The following WDPCP variants were observed in gnomAD, a reference collection of about 807,000 sequenced individuals.
The protein encoded by WDPCP is WD repeat containing planar cell polarity effector, also known as WD repeat-containing and planar cell polarity effector protein fritz homolog.
WDPCP carries 71 observed loss-of-function variants against 93.1 expected under a neutral mutation model. The observed-to-expected ratio is 0.76, with a 90% CI of 0.63 to 0.93. The LOEUF (loss-of-function observed/expected upper bound fraction) is 0.93, where lower values mean the gene tolerates loss of function less well. Among genes scored for constraint, WDPCP ranks in the 40% least tolerant of loss-of-function variants. The probability of loss-of-function intolerance (pLI) is 0.00; values close to 1 mark genes in which losing one functional copy is unlikely to be tolerated. For synonymous variants in WDPCP, 315 were observed against 315.0 expected (o/e 1.00, Z 0.00); for missense variants, 844 against 887.4 (o/e 0.95, Z 0.62).
chr2:63,120,399 G>T lies in WDPCP; in HGVS notation c.*1607C>A, dbSNP rs147842774. On this transcript the variant is annotated 3_prime_UTR_variant, in exon 18 of 18. Coordinates refer to ENST00000272321, the MANE Select transcript of WDPCP (RefSeq NM_015910.7). The stretch of plus-strand genomic sequence containing the variant: ...TGGTAGAGGTACAGATAAATGGGAA[G>T]TAGAAAGAAAAATTTGAAGTATAAA... Among the ~76,000 whole-genome samples, 756 of 152,014 alleles carry T rather than the reference G, an allele frequency of 5.0e-3. 9 individuals are homozygous for T. The highest frequency in any genetic ancestry group is 0.017 in the African/African-American group (695 of 41,494).
chr2:63,492,876 T>G lies in WDPCP; in HGVS notation c.140A>C (p.Lys47Thr). Residue 47 changes from lysine to threonine, a missense_variant, in exon 2 of 18, where the codon AAG becomes ACG. Physicochemically the swap from Lys to Thr is moderately conservative, Grantham distance 78 (BLOSUM62 -1). Transcript: ENST00000272321. ...CLTELHLWSL[K>T]NTLHIADRDI... ...TTTACCCGCAATGTGTAAGGTATTC[T>G]TCAAAGACCACAGGTGCAGTTCAGT... 6.2e-7 allele frequency: 1 copy of G among 1,613,690 alleles called. No homozygotes were observed.
intron 13 of WDPCP, among the ~76,000 whole-genome samples, chr2:63,308,824 G>T (rs1410273432): frequency 6.6e-6 from 1 of 152,092 alleles, no homozygotes; most frequent in East Asian, 1.9e-4. Context: ...GAAAACCAAT[G>T]GCACATGTAT....
intron 6 of WDPCP, among the ~76,000 whole-genome samples, chr2:63,445,058 G>A (rs962780935): frequency 2.6e-5 from 4 of 151,940 alleles, no homozygotes; most frequent in African/African-American, 7.3e-5. Context: ...GAAGTGAAAC[G>A]GTACTTTGAG....
intron 2 of WDPCP, among the ~76,000 whole-genome samples, chr2:63,492,125 G>A (rs1700915118): frequency 6.6e-6 from 1 of 152,068 alleles, no homozygotes; most frequent in Non-Finnish European, 1.5e-5. Context: ...TTAATATGAA[G>A]AAACAATACT....
chr2:63,254,887 C>T (rs145644060), intron 14 of WDPCP, among the ~76,000 whole-genome samples: 1,563 of 152,058 alleles, frequency 0.01, 16 homozygotes, highest in Non-Finnish European at 0.016. Flanking sequence ...ATGTAAATGC[C>T]AACATTTAAA....
At chr2:63,781,758 C>T (rs1368079542) in intron 2 of WDPCP, among the ~76,000 whole-genome samples, 1 of 152,084 alleles carries the variant, frequency 6.6e-6, no homozygotes, top group Non-Finnish European at 1.5e-5. Context: ...GAGGCAGCAG[C>T]GTGTCCCCGA....
At chr2:63,417,525 A>C (rs1036526621) in intron 9 of WDPCP, among the ~76,000 whole-genome samples, 1 of 151,726 alleles carries the variant, frequency 6.6e-6, no homozygotes, top group African/African-American at 2.4e-5. Context: ...CTATGAAATA[A>C]TGAAAATAAT....
chr2:63,187,063 T>A (rs1674697543), intron 14 of WDPCP, among the ~76,000 whole-genome samples: 2 of 152,148 alleles, frequency 1.3e-5, no homozygotes, highest in South Asian at 2.1e-4. Context: ...GCATAAATAT[T>A]TATAATTACT....
chr2:63,135,907 A>T (rs537257477), intron 17 of WDPCP, among the ~76,000 whole-genome samples: 75 of 151,140 alleles, frequency 5.0e-4, no homozygotes, highest in South Asian at 2.5e-3. Context: ...ATTAAAAAAA[A>T]TTTTTTTTTA....
chr2:63,833,799 T>C, the WDPCP span, among the ~76,000 whole-genome samples: 1 of 152,182 alleles, frequency 6.6e-6, no homozygotes, highest in African/African-American at 2.4e-5. Context: ...GGATTTTAGA[T>C]GAGAATGACT....
intron 14 of WDPCP, among the ~76,000 whole-genome samples, chr2:63,219,839 C>A (rs1677665187): frequency 3.3e-5 from 5 of 152,010 alleles, no homozygotes; most frequent in Middle Eastern, 3.2e-3. Flanking sequence ...CCAATCTCTA[C>A]TGAAAATACA....
At chr2:63,300,112 G>A (rs1685209238) in intron 13 of WDPCP, among the ~76,000 whole-genome samples, 1 of 151,972 alleles carries the variant, frequency 6.6e-6, no homozygotes, top group African/African-American at 2.4e-5. Context: ...CCTCAAACTG[G>A]ACTATAAACT....
rs142853800 is a variant in WDPCP at position 63,305,817 on chromosome 2, G to A, written c.1812+7431C>T. Among the ~76,000 whole-genome samples the A allele has an allele frequency of 4.4e-3, 664 of 152,082 alleles. 2 individuals carry two copies. The highest frequency in any genetic ancestry group is 7.1e-3 in the Non-Finnish European group (480 of 67,984). Reference sequence around the variant, plus strand: ...AGCTAAGAACCTTGAAAAAAAGTTAGAGGAATTGCTAACTAGAATAACCAG... The same window carrying A: ...AGCTAAGAACCTTGAAAAAAAGTTAAAGGAATTGCTAACTAGAATAACCAG... On this transcript the variant is annotated intron_variant, in intron 13 of 17. Transcript: ENST00000272321.
Position 63,121,744 on chromosome 2 carries a change from C to T in WDPCP, c.*262G>A. ...ATTTTTGTAGCACCTAATTAACATACAATTTAAGACACTTTCAAAATTTTA... is the reference window on the plus strand; with the variant it reads ...ATTTTTGTAGCACCTAATTAACATATAATTTAAGACACTTTCAAAATTTTA... On this transcript the variant is annotated 3_prime_UTR_variant, in exon 18 of 18. Transcript: ENST00000272321. 1 of 808,842 alleles carries T rather than the reference C, an allele frequency of 1.2e-6. No individual in the cohort carries two copies. Among genetic ancestry groups the T allele is most frequent in the Non-Finnish European group, 1.7e-6 (1 of 581,016 alleles). The allele number at this position is 808,842 out of a possible 1,614,324, so 50.1% of individuals were successfully genotyped here. A position where few individuals can be genotyped will look rare whatever the true frequency, so the allele number is the denominator to read the frequency against.
At chr2:63,682,616 A>G (rs934683401) in intron 2 of WDPCP, among the ~76,000 whole-genome samples, 5 of 152,168 alleles carry the variant, frequency 3.3e-5, no homozygotes, top group East Asian at 1.9e-4. Context: ...ACAGATAGAA[A>G]GTTTATTCAA....
At chr2:63,372,560 G>A (rs1482325401) in intron 12 of WDPCP, among the ~76,000 whole-genome samples, 1 of 151,960 alleles carries the variant, frequency 6.6e-6, no homozygotes, top group Non-Finnish European at 1.5e-5. Flanking sequence ...TCCACTTGTT[G>A]GACTCTACAC....
At chr2:63,327,857 A>G (rs1687675997) in intron 12 of WDPCP, among the ~76,000 whole-genome samples, 1 of 152,160 alleles carries the variant, frequency 6.6e-6, no homozygotes, top group South Asian at 2.1e-4. Flanking sequence ...ATGGAACCCC[A>G]AATGAGTTCG....
chr2:63,264,336 C>A (rs1681916248), intron 13 of WDPCP, among the ~76,000 whole-genome samples: 1 of 152,160 alleles, frequency 6.6e-6, no homozygotes, highest in Admixed American at 6.5e-5. Context: ...TTCCATCAGA[C>A]AAGATATACT....
chr2:63,288,584 C>T (rs1362809940), intron 13 of WDPCP, among the ~76,000 whole-genome samples: 6 of 152,128 alleles, frequency 3.9e-5, no homozygotes, highest in African/African-American at 1.4e-4. Flanking sequence ...TTTTCTGAAC[C>T]ATTTCAGAGT....
Sources: allele counts gnomAD v4.1 joint callset (sites outside exome capture counted in the v4.1 genomes callset), GRCh38; gene constraint gnomAD v4.1.1; transcripts MANE v1.5; gene names NCBI Gene and HGNC (gene_info 2026-07-23, HGNC 2026-07-21).